Variants in PCSK5 observed in about 807,000 individuals in gnomAD.
PCSK5 encodes the protein prohormone convertase 5.
A neutral mutation model predicts 233.2 loss-of-function variants in PCSK5; 129 were observed. The observed-to-expected ratio is 0.55, with a 90% CI of 0.48 to 0.64. The LOEUF is 0.64. PCSK5 is among the 30% of genes least tolerant of loss of function. The probability of loss-of-function intolerance (pLI) is 0.00; values close to 1 mark genes in which losing one functional copy is unlikely to be tolerated. For missense variants in PCSK5, 2,076 were observed against 2,430.1 expected, an observed-to-expected ratio of 0.85 and a Z score of 3.06; for synonymous variants, 825 against 879.2, an observed-to-expected ratio of 0.94 and a Z score of 1.09.
chr9:76,131,984 G>C (rs981188894), intron 9 of PCSK5, among the ~76,000 whole-genome samples: 1 of 152,068 alleles, frequency 6.6e-6, no homozygotes, highest in Non-Finnish European at 1.5e-5. Context: ...AAACATTCAT[G>C]TTCATTTGGG....
At chr9:76,350,298 A>C (rs1480482558) in intron 35 of PCSK5, among the ~76,000 whole-genome samples, 1 of 148,264 alleles carries the variant, frequency 6.7e-6, no homozygotes. Context: ...GAGAACTTAC[A>C]GCTTTCAAGA....
chr9:76,163,980 T>G (rs1355982659), intron 12 of PCSK5, among the ~76,000 whole-genome samples: 1 of 151,626 alleles, frequency 6.6e-6, no homozygotes, highest in Non-Finnish European at 1.5e-5. Context: ...CCTCCCTTTC[T>G]AAATTTAATT....
chr9:76,163,527 G>A (rs1587705068), intron 12 of PCSK5, among the ~76,000 whole-genome samples: 1 of 152,318 alleles, frequency 6.6e-6, no homozygotes, highest in African/African-American at 2.4e-5. Flanking sequence ...TGGGTCAATG[G>A]AGAAGTCCTA....
chr9:76,283,141 T>C (rs1827935193), intron 24 of PCSK5, among the ~76,000 whole-genome samples: 1 of 152,220 alleles, frequency 6.6e-6, no homozygotes, highest in Non-Finnish European at 1.5e-5. Context: ...ATTGTTGAAA[T>C]GAAAACAAAT....
At chr9:76,061,985 G>A (rs1467347485) in intron 5 of PCSK5, among the ~76,000 whole-genome samples, 1 of 152,168 alleles carries the variant, frequency 6.6e-6, no homozygotes, top group Non-Finnish European at 1.5e-5. Context: ...ATTAAAGATA[G>A]TCTGTAATCC....
rs1298797231 is a variant in PCSK5 at position 76,097,307 on chromosome 9, C to T, written c.1107+1205C>T. 2.2e-4 allele frequency among the ~76,000 whole-genome samples: 25 copies of T among 114,144 alleles called. 2 individuals carry two copies. The highest frequency in any genetic ancestry group is 9.4e-4 in the African/African-American group (24 of 25,656). The allele number at this position is 114,144 out of a possible 152,430, so 74.9% of individuals were successfully genotyped here. A position where few individuals can be genotyped will look rare whatever the true frequency, so the allele number is the denominator to read the frequency against. ...TCGCTCTGTCGCCCAGGCGGGACTG[C>T]GGACTGCAGTGGCGCAATCTCGGCT... is the stretch of plus-strand genomic sequence containing the variant. On this transcript the variant is annotated intron_variant, in intron 8 of 37. Transcript: ENST00000674117.
intron 1 of PCSK5, among the ~76,000 whole-genome samples, chr9:75,930,834 C>T (rs1476175966): frequency 5.3e-5 from 8 of 152,200 alleles, no homozygotes; most frequent in Non-Finnish European, 1.2e-4. Context: ...TATGCAACCA[C>T]TCCTGAATTC....
At chr9:76,318,835 T>G (rs2036060) in intron 30 of PCSK5, among the ~76,000 whole-genome samples, 18,794 of 152,234 alleles carry the variant, frequency 0.12, 1,291 homozygotes, top group Middle Eastern at 0.17. Context: ...TTTTTAAAAT[T>G]TATTAATTGA....
At chr9:75,912,461 G>T (rs1380605979) in intron 1 of PCSK5, among the ~76,000 whole-genome samples, 1 of 152,158 alleles carries the variant, frequency 6.6e-6, no homozygotes, top group African/African-American at 2.4e-5. Flanking sequence ...TGCACCTGGG[G>T]ATCCTGTTAA....
chr9:76,323,209 C>T lies in PCSK5; in HGVS notation c.4260C>T (p.Ser1420=). ...ACTGCGAGCTCTGTCTTGAGAGTTC[C>T]TGGGTCCTCTATGATGGACTGTGCT... The part of the protein sequence containing the change: ...ADDCELCLES[S]WVLYDGLCLE... The change falls in exon 32 of 38, where the codon TCC becomes TCT. Residue 1420 remains serine, a synonymous_variant. Coordinates refer to ENST00000674117, the MANE Select transcript of PCSK5 (RefSeq NM_001372043.1). 6.2e-7 allele frequency: 1 copy of T among 1,612,760 alleles called. No individual in the cohort carries two copies. Among genetic ancestry groups the T allele is most frequent in the Non-Finnish European group, 8.5e-7 (1 of 1,179,856 alleles).
chr9:76,239,371 T>C (rs1353808591), intron 23 of PCSK5, among the ~76,000 whole-genome samples: 12 of 152,196 alleles, frequency 7.9e-5, no homozygotes, highest in Admixed American at 7.2e-4. Context: ...TCCTCAGATA[T>C]AATCCAAGGT....
intron 3 of PCSK5, among the ~76,000 whole-genome samples, chr9:75,993,223 C>G (rs888219906): frequency 6.6e-6 from 1 of 151,910 alleles, no homozygotes; most frequent in Non-Finnish European, 1.5e-5. Context: ...CATTCTGAGG[C>G]AAGCAGGAGA....
At chr9:76,073,652 A>G (rs1252906404) in intron 7 of PCSK5, among the ~76,000 whole-genome samples, 1 of 152,170 alleles carries the variant, frequency 6.6e-6, no homozygotes, top group Non-Finnish European at 1.5e-5. Flanking sequence ...TATAATAAAG[A>G]GCAATCTGGA....
intron 33 of PCSK5, among the ~76,000 whole-genome samples, chr9:76,329,117 C>A (rs1448386948): frequency 6.6e-6 from 1 of 151,556 alleles, no homozygotes; most frequent in Non-Finnish European, 1.5e-5. Context: ...CTGCGCCCGG[C>A]CACTTTTTTG....
At chr9:76,134,088 T>A in intron 9 of PCSK5, 21 bp from the exon 10 acceptor site, 3 of 1,452,990 alleles carry the variant, frequency 2.1e-6, no homozygotes, top group Non-Finnish European at 1.9e-6. Context: ...GTACAATGAT[T>A]CTTACCTTGT....
chr9:76,048,801 T>C (rs1829515618), intron 5 of PCSK5, among the ~76,000 whole-genome samples: 1 of 152,240 alleles, frequency 6.6e-6, no homozygotes, highest in Non-Finnish European at 1.5e-5. Flanking sequence ...TTGCAAATTA[T>C]ATTAAGTATT....
chr9:76,126,185 G>GTGTGTGTGTC (rs1832847375), intron 9 of PCSK5, among the ~76,000 whole-genome samples: 1 of 131,688 alleles, frequency 7.6e-6, no homozygotes, highest in Non-Finnish European at 1.6e-5. Flanking sequence ...GTGTGTATGT[G>GTGTGTGTGTC]TGTGTGTGTG....
chr9:76,089,588 A>G (rs1831202437), intron 7 of PCSK5, among the ~76,000 whole-genome samples: 1 of 152,252 alleles, frequency 6.6e-6, no homozygotes, highest in Non-Finnish European at 1.5e-5. Flanking sequence ...ATCCAGGCAC[A>G]TATTAATATA....
At chr9:76,285,950 A>G (rs1828049522) in intron 24 of PCSK5, among the ~76,000 whole-genome samples, 1 of 152,218 alleles carries the variant, frequency 6.6e-6, no homozygotes, top group Non-Finnish European at 1.5e-5. Context: ...ATGAGAAAAA[A>G]AGAGGAAAGA....
Sources: gnomAD v4.1 joint callset for allele counts (sites outside exome capture counted in the v4.1 genomes callset) on GRCh38, gnomAD v4.1.1 for gene constraint, MANE v1.5 for transcripts, NCBI Gene and HGNC (gene_info 2026-07-23, HGNC 2026-07-21) for gene names.